ATXN7L1: variants seen among roughly 807,000 people sequenced by gnomAD.
ATXN7L1 encodes ataxin 7 like 1, also known as ataxin-7-like protein 1.
In ATXN7L1, 15 loss-of-function variants were observed where a neutral mutation model predicts 70.8. The ratio of observed to expected loss-of-function variants is 0.21; its 90% CI spans 0.14 to 0.33. The LOEUF is 0.33. Among genes scored for constraint, ATXN7L1 ranks in the 10% least tolerant of loss-of-function variants. The pLI is 1.00. For missense variants in ATXN7L1, 975 were observed against 1,097.1 expected (o/e 0.89, Z 1.57); for synonymous variants, 440 against 445.1 (o/e 0.99, Z 0.14).
intron 3 of ATXN7L1, among the ~76,000 whole-genome samples, chr7:105,685,322 G>A (rs951071641): frequency 2.0e-5 from 3 of 152,152 alleles, no homozygotes; most frequent in Admixed American, 6.6e-5. Flanking sequence ...GTCAGACTAT[G>A]CAAACATAAA....
intron 3 of ATXN7L1, among the ~76,000 whole-genome samples, chr7:105,731,094 C>T (rs1267402096): frequency 6.6e-6 from 1 of 152,132 alleles, no homozygotes; most frequent in African/African-American, 2.4e-5. Flanking sequence ...TGATGGGTCA[C>T]AGTAAAAACA....
chr7:105,632,802 T>C (rs900303651), intron 7 of ATXN7L1, among the ~76,000 whole-genome samples: 2 of 151,618 alleles, frequency 1.3e-5, no homozygotes, highest in Non-Finnish European at 2.9e-5. Flanking sequence ...GCACCTGTAG[T>C]CCCAGGTACT....
At chr7:105,824,545 C>A (rs1273891850) in intron 2 of ATXN7L1, among the ~76,000 whole-genome samples, 1 of 151,770 alleles carries the variant, frequency 6.6e-6, no homozygotes, top group Non-Finnish European at 1.5e-5. Flanking sequence ...TGATAGGTGA[C>A]ATAAAAATTT....
At chr7:105,760,100 T>G in intron 3 of ATXN7L1, 1 of 780,724 alleles carries the variant, frequency 1.3e-6, no homozygotes, top group South Asian at 5.9e-5. Context: ...TTTTCTGGCT[T>G]CCATCATGCT....
At chr7:105,608,244 A>C (rs1317513220) in intron 11 of ATXN7L1, among the ~76,000 whole-genome samples, 3 of 152,200 alleles carry the variant, frequency 2.0e-5, no homozygotes, top group Non-Finnish European at 4.4e-5. Context: ...CCTAACCTAT[A>C]GATGACACTG....
chr7:105,649,293 C>T, intron 4 of ATXN7L1: 9 of 893,398 alleles, frequency 1.0e-5, no homozygotes, highest in Non-Finnish European at 1.2e-5. Flanking sequence ...GTCTAATATG[C>T]TGGGAGTAGT....
chr7:105,775,057 T>C (rs1301772439), intron 3 of ATXN7L1, among the ~76,000 whole-genome samples: 2 of 152,170 alleles, frequency 1.3e-5, no homozygotes, highest in Non-Finnish European at 2.9e-5. Context: ...GGATTCATCA[T>C]AGTGAAATGG....
At chr7:105,703,675 G>A (rs781510268) in intron 3 of ATXN7L1, among the ~76,000 whole-genome samples, 38 of 152,184 alleles carry the variant, frequency 2.5e-4, no homozygotes, top group Non-Finnish European at 4.3e-4. Flanking sequence ...ATCCAGCCAG[G>A]CCTGTCCCTT....
chr7:105,819,731 C>G, intron 2 of ATXN7L1: 1 of 791,230 alleles, frequency 1.3e-6, no homozygotes, highest in Non-Finnish European at 2.2e-6. Context: ...GCCGCACCTT[C>G]CGGCTGACCT....
chr7:105,791,288 C>T (rs1375878871), intron 2 of ATXN7L1, among the ~76,000 whole-genome samples: 3 of 152,196 alleles, frequency 2.0e-5, no homozygotes, highest in African/African-American at 7.2e-5. Context: ...TGTGGCCAGT[C>T]ATCCCCCTCA....
At chr7:105,716,008 C>CG (rs1223893122) in intron 3 of ATXN7L1, among the ~76,000 whole-genome samples, 7 of 151,604 alleles carry the variant, frequency 4.6e-5, no homozygotes, top group South Asian at 2.1e-4. Flanking sequence ...GGGGTGGAGG[C>CG]GGGGGGGATG....
intron 4 of ATXN7L1, among the ~76,000 whole-genome samples, chr7:105,664,575 G>GTATATATATATATATATATATA (rs1554416470): frequency 2.3e-5 from 3 of 131,974 alleles, no homozygotes; most frequent in Non-Finnish European, 4.9e-5. Flanking sequence ...GTATGTGTGT[G>GTATATATATATATATATATATA]TATATATATA....
intron 3 of ATXN7L1, among the ~76,000 whole-genome samples, chr7:105,737,962 A>T (rs1201658397): frequency 1.3e-5 from 2 of 152,132 alleles, no homozygotes; most frequent in African/African-American, 2.4e-5. Flanking sequence ...GCCCAAGGTT[A>T]CTTACTTGTT....
chr7:105,638,634 A>C lies in ATXN7L1; in HGVS notation c.946-25T>G. The C allele has an allele frequency of 3.9e-6, 6 of 1,539,656 alleles. No homozygotes were observed. In the South Asian group the frequency reaches 7.3e-5, roughly 19 times the overall value. On this transcript the variant is annotated intron_variant, in intron 6 of 11. Coordinates refer to ENST00000419735, the MANE Select transcript of ATXN7L1 (RefSeq NM_020725.2). Reference sequence around the variant, plus strand: ...TCTAAGGAGAAGAGAAATGAAAAGCACAGCCTCTTTGATCAGCACATAAAC... The same window carrying C: ...TCTAAGGAGAAGAGAAATGAAAAGCCCAGCCTCTTTGATCAGCACATAAAC...
intron 3 of ATXN7L1, among the ~76,000 whole-genome samples, chr7:105,779,489 T>C (rs1317442354): frequency 6.6e-6 from 1 of 152,212 alleles, no homozygotes; most frequent in African/African-American, 2.4e-5. Flanking sequence ...TAGTCGTAGA[T>C]TCTCTCGGTT....
At chr7:105,668,544 C>A (rs1283457778) in intron 3 of ATXN7L1, among the ~76,000 whole-genome samples, 1 of 152,044 alleles carries the variant, frequency 6.6e-6, no homozygotes, top group South Asian at 2.1e-4. Flanking sequence ...ATCTCAGTCT[C>A]CCAAGTAGCT....
rs961862551 is a variant in ATXN7L1, at chr7:105,763,821, T to C, written c.355+24783A>G. ...TAGTCACTTCCTTCATAATTATACA[T>C]GGGGCAAAATGTAGTTTTTTTTTTG... On this transcript the variant is annotated intron_variant, in intron 3 of 11. Transcript: ENST00000419735. 4.6e-5 allele frequency among the ~76,000 whole-genome samples: 7 copies of C among 151,922 alleles called. No individual in the cohort carries two copies. The East Asian group carries it at 1.2e-3, about 25-fold the overall frequency.
intron 4 of ATXN7L1, among the ~76,000 whole-genome samples, chr7:105,644,638 G>A (rs962110788): frequency 2.0e-5 from 3 of 152,196 alleles, no homozygotes; most frequent in Non-Finnish European, 4.4e-5. Context: ...GAAACCCTTT[G>A]AGAGTGAGCA....
intron 2 of ATXN7L1, among the ~76,000 whole-genome samples, chr7:105,848,598 T>C (rs1814412879): frequency 6.6e-6 from 1 of 152,180 alleles, no homozygotes; most frequent in Admixed American, 6.5e-5. Context: ...TACAAAATTA[T>C]CCCATTTTTG....
Sources: gnomAD v4.1 joint callset for allele counts (sites outside exome capture counted in the v4.1 genomes callset) on GRCh38, gnomAD v4.1.1 for gene constraint, MANE v1.5 for transcripts, NCBI Gene and HGNC (gene_info 2026-07-23, HGNC 2026-07-21) for gene names.